The following AGMO variants were observed in gnomAD, a reference collection of about 807,000 sequenced individuals.
AGMO encodes the protein glyceryl-ether monooxygenase.
In AGMO, 75 loss-of-function variants were observed where a neutral mutation model predicts 60.2. The ratio of observed to expected loss-of-function variants is 1.25; its 90% confidence interval spans 1.03 to 1.51. AGMO has a LOEUF of 1.51. Among genes scored for constraint, AGMO ranks in the 40% most tolerant of loss-of-function variants. The pLI is 0.00. For missense variants in AGMO, 763 were observed against 525.5 expected (o/e 1.45, Z -4.42); for synonymous variants, 261 against 177.1 (o/e 1.47, Z -3.76).
the AGMO span, among the ~76,000 whole-genome samples, chr7:15,153,392 G>A: frequency 6.6e-6 from 1 of 152,026 alleles, no homozygotes; most frequent in South Asian, 2.1e-4. Flanking sequence ...TTGCTTTTGT[G>A]TTTTTAATCA....
intron 10 of AGMO, among the ~76,000 whole-genome samples, chr7:15,367,309 AAATT>A (rs558817756): frequency 3.6e-4 from 55 of 152,098 alleles, no homozygotes; most frequent in Admixed American, 2.1e-3. Context: ...CAGAATTATA[AAATT>A]AATATGCATT....
At chr7:15,421,540 A>T (rs962653334) in intron 4 of AGMO, among the ~76,000 whole-genome samples, 2 of 152,312 alleles carry the variant, frequency 1.3e-5, no homozygotes, top group Admixed American at 6.5e-5. Flanking sequence ...GATAAAGTAC[A>T]TGCAACAGAT....
At chr7:15,317,450 A>G (rs1362355813) in intron 12 of AGMO, among the ~76,000 whole-genome samples, 1 of 152,130 alleles carries the variant, frequency 6.6e-6, no homozygotes, top group Non-Finnish European at 1.5e-5. Flanking sequence ...AGCTTGCTTT[A>G]TTAAATCAGG....
rs1781436641 is a variant in AGMO, at chr7:15,437,628, G to A, written c.410-6520C>T. On this transcript the variant is annotated intron_variant, in intron 3 of 12. Coordinates refer to ENST00000342526, the MANE Select transcript of AGMO (RefSeq NM_001004320.2). ...CCCCTCACTGCAAGCTCCGCCTCCA[G>A]GGTTCACCCCATTCTCCCGCCTCAC... is the stretch of plus-strand genomic sequence containing the variant. 2.7e-5 allele frequency among the ~76,000 whole-genome samples: 4 copies of A among 150,510 alleles called. No homozygotes were observed. The Admixed American group carries it at 2.7e-4, about 10-fold the overall frequency.
chr7:15,192,002 C>G, the AGMO span, among the ~76,000 whole-genome samples: 391 of 127,834 alleles, frequency 3.1e-3, 3 homozygotes, highest in Middle Eastern at 0.012. Context: ...CACACACACA[C>G]ACACAGAGAA....
At position 15,450,187 on chromosome 7, in the gene AGMO, G is replaced by A. The variant is rs1388502331; in HGVS notation, c.410-19079C>T. On this transcript the variant is annotated intron_variant, in intron 3 of 12. Coordinates refer to ENST00000342526, the MANE Select transcript of AGMO (RefSeq NM_001004320.2). ...TGTAATCCCAGTGCTTTGGGAGGCC[G>A]AGGCGGGCAGATCACGAGTTCAAGA... 2.0e-5 allele frequency among the ~76,000 whole-genome samples: 3 copies of A among 152,070 alleles called. No homozygotes were observed. In the East Asian group the frequency reaches 5.8e-4, roughly 29 times the overall value.
rs563630586 is a variant in AGMO, at chr7:15,417,137, T to C, written c.609+1421A>G. Reference sequence around the variant, plus strand: ...ACCATGAATTTCAGAAGATGTGTTCTTGCTTCCCATGCAGATCAACTGTAG... The same window carrying C: ...ACCATGAATTTCAGAAGATGTGTTCCTGCTTCCCATGCAGATCAACTGTAG... On this transcript the variant is annotated intron_variant, in intron 5 of 12. Coordinates refer to ENST00000342526, the MANE Select transcript of AGMO (RefSeq NM_001004320.2). Among the ~76,000 whole-genome samples, 11 of 152,328 alleles carry C rather than the reference T, an allele frequency of 7.2e-5. No homozygotes were observed. In the South Asian group the frequency reaches 8.3e-4, roughly 11 times the overall value.
intron 12 of AGMO, among the ~76,000 whole-genome samples, chr7:15,324,147 C>T (rs1206653132): frequency 6.6e-6 from 1 of 152,136 alleles, no homozygotes; most frequent in South Asian, 2.1e-4. Context: ...ATTACTCCAG[C>T]GCAGCAACCC....
At chr7:15,413,566 A>G (rs1266983944) in intron 5 of AGMO, among the ~76,000 whole-genome samples, 1 of 152,154 alleles carries the variant, frequency 6.6e-6, no homozygotes, top group Admixed American at 6.5e-5. Context: ...AATTTTGTAA[A>G]CATCTAGCAA....
chr7:15,372,740 G>T (rs981702451), intron 10 of AGMO, among the ~76,000 whole-genome samples: 2 of 152,130 alleles, frequency 1.3e-5, no homozygotes, highest in African/African-American at 4.8e-5. Flanking sequence ...TTATAACAGG[G>T]AGGATTTTAT....
At chr7:15,404,836 A>G (rs1391894407) in intron 5 of AGMO, among the ~76,000 whole-genome samples, 6 of 151,910 alleles carry the variant, frequency 3.9e-5, no homozygotes, top group Non-Finnish European at 1.5e-5. Flanking sequence ...GCCTGACATC[A>G]TCTGAGCATT....
intron 3 of AGMO, among the ~76,000 whole-genome samples, chr7:15,457,820 G>C (rs565379941): frequency 3.9e-5 from 6 of 152,160 alleles, no homozygotes; most frequent in Non-Finnish European, 5.9e-5. Context: ...CTTTAACCAA[G>C]TTCTATAGTT....
chr7:15,317,977 C>T (rs1223604481), intron 12 of AGMO, among the ~76,000 whole-genome samples: 3 of 142,952 alleles, frequency 2.1e-5, no homozygotes, highest in African/African-American at 8.3e-5. Flanking sequence ...TACACACACA[C>T]GTATATATAT....
chr7:15,295,879 C>A (rs1784391399), intron 12 of AGMO, among the ~76,000 whole-genome samples: 1 of 152,058 alleles, frequency 6.6e-6, no homozygotes, highest in African/African-American at 2.4e-5. Context: ...GACTGAATGT[C>A]CACCAATATT....
intron 3 of AGMO, among the ~76,000 whole-genome samples, chr7:15,492,382 A>C (rs116080173): frequency 0.015 from 2,258 of 151,246 alleles, 57 homozygotes; most frequent in African/African-American, 0.052. Flanking sequence ...AAAAACATTA[A>C]TAATAAATTC....
At chr7:15,344,527 G>A (rs948379239) in intron 12 of AGMO, among the ~76,000 whole-genome samples, 14 of 152,132 alleles carry the variant, frequency 9.2e-5, no homozygotes, top group African/African-American at 2.6e-4. Context: ...TGACAAACCC[G>A]TTTCTACCAA....
intron 3 of AGMO, among the ~76,000 whole-genome samples, chr7:15,479,569 T>G (rs994696512): frequency 2.6e-5 from 4 of 151,472 alleles, no homozygotes; most frequent in African/African-American, 7.3e-5. Flanking sequence ...ATCATCATGG[T>G]TTTTTTTCAT....
intron 12 of AGMO, among the ~76,000 whole-genome samples, chr7:15,230,895 T>C (rs1782240366): frequency 6.6e-6 from 1 of 152,100 alleles, no homozygotes; most frequent in Non-Finnish European, 1.5e-5. Flanking sequence ...TGTCCTTCCA[T>C]GGGGGAAATG....
In AGMO at chr7:15,500,012, A is replaced by G. The variant is rs1348590112; in HGVS notation, c.409+44760T>C. On this transcript the variant is annotated intron_variant, in intron 3 of 12. Coordinates refer to ENST00000342526, the MANE Select transcript of AGMO (RefSeq NM_001004320.2). ...TAAGAGTTAGTAAAAATGTTTACAC[A>G]GATGGATAAAGACAAAACTAGGTAT... Among the ~76,000 whole-genome samples, 18 of 151,398 alleles carry G rather than the reference A, an allele frequency of 1.2e-4. No individual in the cohort carries two copies. In the Admixed American group the frequency reaches 1.2e-3, roughly 10 times the overall value.
Sources: gnomAD v4.1 joint callset for allele counts (sites outside exome capture counted in the v4.1 genomes callset) on GRCh38, gnomAD v4.1.1 for gene constraint, MANE v1.5 for transcripts, NCBI Gene and HGNC (gene_info 2026-07-23, HGNC 2026-07-21) for gene names.